FAM81A: variants seen among roughly 807,000 people sequenced by gnomAD.
FAM81A encodes the protein family with sequence similarity 81 member A.
In FAM81A, 19 loss-of-function variants were observed where a neutral mutation model predicts 46.7. The ratio of observed to expected loss-of-function variants is 0.41; its 90% CI spans 0.28 to 0.60. The LOEUF (loss-of-function observed/expected upper bound fraction) is 0.60. Among genes scored for constraint, FAM81A ranks in the 20% least tolerant of loss-of-function variants. FAM81A has a pLI of 0.34. For synonymous variants in FAM81A, 183 were observed against 152.9 expected, an observed-to-expected ratio of 1.20 and a Z score of -1.45; for missense variants, 377 against 453.5, an observed-to-expected ratio of 0.83 and a Z score of 1.53.
intron 2 of FAM81A, among the ~76,000 whole-genome samples, chr15:59,411,295 G>T (rs1000970337): frequency 6.6e-6 from 1 of 152,044 alleles, no homozygotes; most frequent in African/African-American, 2.4e-5. Context: ...TTCTATGTAC[G>T]GTTGCTGGGA....
chr15:59,502,129 AAG>A (rs1359155017), intron 4 of FAM81A, among the ~76,000 whole-genome samples: 1 of 151,474 alleles, frequency 6.6e-6, no homozygotes, highest in African/African-American at 2.4e-5. Flanking sequence ...ATTTTAGAGT[AAG>A]AACATTATTT....
chr15:59,416,273 G>A (rs779085085), intron 2 of FAM81A, among the ~76,000 whole-genome samples: 1 of 152,198 alleles, frequency 6.6e-6, no homozygotes, highest in East Asian at 1.9e-4. Flanking sequence ...GTGTGCAACC[G>A]GGGCTCCGTC....
chr15:59,495,421 A>C (rs76971944), intron 4 of FAM81A, among the ~76,000 whole-genome samples: 11,047 of 152,254 alleles, frequency 0.073, 435 homozygotes, highest in African/African-American at 0.099. Flanking sequence ...CCTGTTCATC[A>C]GTTGAACGTT....
At chr15:59,421,413 T>C (rs1297493972) in intron 2 of FAM81A, among the ~76,000 whole-genome samples, 1 of 152,098 alleles carries the variant, frequency 6.6e-6, no homozygotes, top group Non-Finnish European at 1.5e-5. Flanking sequence ...TGGAGGAAAA[T>C]GGGCAGCTTA....
chr15:59,420,001 C>G (rs1325596095), intron 2 of FAM81A, among the ~76,000 whole-genome samples: 1 of 152,214 alleles, frequency 6.6e-6, no homozygotes, highest in African/African-American at 2.4e-5. Context: ...CCTTCACACT[C>G]CCTAGCCCAG....
intron 3 of FAM81A, among the ~76,000 whole-genome samples, chr15:59,474,427 A>G (rs764941232): frequency 9.9e-5 from 15 of 152,202 alleles, no homozygotes; most frequent in Non-Finnish European, 1.3e-4. Context: ...AGAAGGTGGA[A>G]GGGCAAGAAT....
rs764155279 is a variant in FAM81A, at chr15:59,521,300, C to T, written c.1029C>T (p.Leu343=). 21 of 1,613,682 alleles carry T rather than the reference C, an allele frequency of 1.3e-5. No homozygotes were observed. Among genetic ancestry groups the T allele is most frequent in the South Asian group, 3.3e-5 (3 of 91,060 alleles). Residue 343 remains leucine (L), a synonymous_variant, in exon 9 of 9, where the codon CTC becomes CTT. Transcript: ENST00000288228. ...GCATAGGATCCCTCAGGCAAGTTCTCGAGGCCAAGATGAAGCTGGACAGGG... is the reference window on the plus strand; with the variant it reads ...GCATAGGATCCCTCAGGCAAGTTCTTGAGGCCAAGATGAAGCTGGACAGGG... ...YESIGSLRQV[L]EAKMKLDRDQ...
At chr15:59,401,548 A>C (rs1223797920) in intron 1 of FAM81A, 1 of 762,884 alleles carries the variant, frequency 1.3e-6, no homozygotes, top group African/African-American at 1.7e-5. Flanking sequence ...AGCAGACATT[A>C]GTAACCACCC....
At chr15:59,452,630 G>C (rs1489668864) in intron 1 of FAM81A, among the ~76,000 whole-genome samples, 2 of 152,178 alleles carry the variant, frequency 1.3e-5, no homozygotes, top group African/African-American at 4.8e-5. Flanking sequence ...CTGGGTGACA[G>C]AATGAGACAG....
intron 2 of FAM81A, among the ~76,000 whole-genome samples, chr15:59,405,650 G>T (rs4775164): frequency 6.1e-5 from 2 of 32,720 alleles, no homozygotes; most frequent in East Asian, 7.1e-4. Context: ...CAAAAAAAAA[G>T]AATAATGATA....
At chr15:59,436,813 A>G (rs2141571723), upstream of FAM81A, among the ~76,000 whole-genome samples, 1 of 152,322 alleles carries the variant, frequency 6.6e-6, no homozygotes, top group East Asian at 1.9e-4. Flanking sequence ...GTTATACCAG[A>G]TCTACACATC....
At chr15:59,506,676 C>T (rs79553222) in intron 4 of FAM81A, among the ~76,000 whole-genome samples, 27 of 152,340 alleles carry the variant, frequency 1.8e-4, no homozygotes, top group African/African-American at 6.3e-4. Flanking sequence ...ACTTTGAGTA[C>T]CATTGGATCT....
At chr15:59,462,651 A>G (rs1221992386) in intron 3 of FAM81A, among the ~76,000 whole-genome samples, 1 of 152,142 alleles carries the variant, frequency 6.6e-6, no homozygotes, top group Non-Finnish European at 1.5e-5. Flanking sequence ...TGTTCCCATT[A>G]AAAAGTAACT....
At chr15:59,430,282 T>TTTA (rs2081214186) in intron 2 of FAM81A, among the ~76,000 whole-genome samples, 1 of 116,132 alleles carries the variant, frequency 8.6e-6, no homozygotes, top group Non-Finnish European at 1.9e-5. Flanking sequence ...TTTTTTTTTT[T>TTTA]GAGATGGAGT....
chr15:59,434,595 C>CAA (rs2081235022), upstream of FAM81A, among the ~76,000 whole-genome samples: 1 of 152,228 alleles, frequency 6.6e-6, no homozygotes, highest in African/African-American at 2.4e-5. Flanking sequence ...CTCACTCTTA[C>CAA]ATCTCTGGGT....
chr15:59,450,091 T>TTTTC (rs1355290498), intron 1 of FAM81A, among the ~76,000 whole-genome samples: 36 of 81,482 alleles, frequency 4.4e-4, no homozygotes, highest in African/African-American at 1.9e-3. Context: ...CCCAGCTAAT[T>TTTTC]TTTCTTTCTT....
chr15:59,425,320 G>A (rs2141557436), intron 2 of FAM81A, among the ~76,000 whole-genome samples: 1 of 152,320 alleles, frequency 6.6e-6, no homozygotes, highest in African/African-American at 2.4e-5. Context: ...TCGACTTGGT[G>A]AGAGATGAAG....
chr15:59,408,179 G>T, intron 2 of FAM81A: 2 of 153,454 alleles, frequency 1.3e-5, no homozygotes, highest in South Asian at 3.8e-4. Flanking sequence ...GGAAAGAGAG[G>T]AACAAATGTT....
chr15:59,424,561 A>G (rs2141556549), intron 2 of FAM81A, among the ~76,000 whole-genome samples: 1 of 152,358 alleles, frequency 6.6e-6, no homozygotes, highest in South Asian at 2.1e-4. Flanking sequence ...TACATACTTG[A>G]CAAGTCCAAA....
Sources: allele counts gnomAD v4.1 joint callset (sites outside exome capture counted in the v4.1 genomes callset), GRCh38; gene constraint gnomAD v4.1.1; transcripts MANE v1.5; gene names NCBI Gene and HGNC (gene_info 2026-07-23, HGNC 2026-07-21).